Variants in MPHOSPH9 observed in about 807,000 individuals in gnomAD.
MPHOSPH9 encodes the protein M-phase phosphoprotein 9.
A neutral mutation model predicts 145.5 loss-of-function variants in MPHOSPH9; 88 were observed. The observed-to-expected ratio is 0.60, with a 90% CI of 0.51 to 0.72. The LOEUF is 0.72. MPHOSPH9 is among the 30% of genes least tolerant of loss of function. The probability of loss-of-function intolerance (pLI) is 0.00; values close to 1 mark genes in which losing one functional copy is unlikely to be tolerated. For missense variants in MPHOSPH9, 1,238 were observed against 1,386.6 expected (o/e 0.89, Z 1.70); for synonymous variants, 435 against 486.2 (o/e 0.89, Z 1.39).
At chr12:123,197,902 T>C (rs1172294091) in intron 12 of MPHOSPH9, among the ~76,000 whole-genome samples, 1 of 149,778 alleles carries the variant, frequency 6.7e-6, no homozygotes, top group Non-Finnish European at 1.5e-5. Flanking sequence ...GCTAACACGG[T>C]GAAACCCCGT....
rs1555231852 is a variant in MPHOSPH9, at chr12:123,224,110, T to TTTTATATGTATATATATATATATA, written c.259-984_259-983insTATATATATATATATACATATAAA. On this transcript the variant is annotated intron_variant, in intron 3 of 23. Coordinates refer to ENST00000606320, the MANE Select transcript of MPHOSPH9 (RefSeq NM_022782.4). ...TCACCATGTTCGGCTAATTGCTAATTTATATATATATATATACACATTTTT... is the reference window on the plus strand; with the variant it reads ...TCACCATGTTCGGCTAATTGCTAATTTTTATATGTATATATATATATATATATATATATATATATACACATTTTT... 9.1e-5 allele frequency among the ~76,000 whole-genome samples: 11 copies of TTTTATATGTATATATATATATATA among 120,392 alleles called. No individual in the cohort carries two copies. The East Asian group carries it at 1.2e-3, about 13-fold the overall frequency. 79.0% of individuals were successfully genotyped at this position (120,392 alleles called of 152,430 possible).
At chr12:123,172,713 G>T (rs978332134) in intron 16 of MPHOSPH9, among the ~76,000 whole-genome samples, 1 of 152,008 alleles carries the variant, frequency 6.6e-6, no homozygotes, top group Admixed American at 6.6e-5. Context: ...TTACTCAGGG[G>T]CCTCACAAAA....
rs1481406532 is a variant in MPHOSPH9 at position 123,159,547 on chromosome 12, C to T, written c.3450+1234G>A. ...GGATGGGGAAGAGCTTATCTTCATA[C>T]ACGGCAGGTAGGAGTAGAAATTGTC... is the stretch of plus-strand genomic sequence containing the variant. On this transcript the variant is annotated intron_variant, in intron 23 of 23. Transcript: ENST00000606320. The surrounding 1 kb of genome is among the most constrained non-coding windows in gnomAD (Gnocchi z 4.3). 6.6e-6 allele frequency: 1 copy of T among 152,082 alleles called. No individual in the cohort carries two copies. Among genetic ancestry groups the T allele is most frequent in the Admixed American group, 6.5e-5 (1 of 15,268 alleles). The allele number at this position is 152,082 out of a possible 1,614,324, so 9.4% of individuals were successfully genotyped here. A position where few individuals can be genotyped will look rare whatever the true frequency, so the allele number is the denominator to read the frequency against.
rs527536995 is a variant in MPHOSPH9 at position 123,229,739 on chromosome 12, A to G, written c.104+522T>C. Among the ~76,000 whole-genome samples the G allele has an allele frequency of 5.3e-5, 8 of 152,342 alleles. No homozygotes were observed. In the South Asian group the frequency reaches 1.5e-3, roughly 28 times the overall value. On this transcript the variant is annotated intron_variant, in intron 2 of 23. Transcript: ENST00000606320. Reference sequence around the variant, plus strand: ...CAAGTTCTTTTTCAGAATGCTTTCCATGCAAAAGTACATATCTCTGAGAGA... The same window carrying G: ...CAAGTTCTTTTTCAGAATGCTTTCCGTGCAAAAGTACATATCTCTGAGAGA...
At position 123,202,957 on chromosome 12, in the gene MPHOSPH9, C is replaced by G. The variant is rs777781259; in HGVS notation, c.1448G>C (p.Ser483Thr). ...GTCTATGTCAGAGGGACTAGACATACTAGGCTCTAGAACAGAGTCCGGGGA... is the reference window on the plus strand; with the variant it reads ...GTCTATGTCAGAGGGACTAGACATAGTAGGCTCTAGAACAGAGTCCGGGGA... ...SFSPDSVLEP[S>T]MSSPSDIDSF... Residue 483 changes from serine (S) to threonine (T), a missense_variant, in exon 10 of 24, where the codon AGT becomes ACT. Physicochemically the swap from Ser to Thr is moderately conservative, Grantham distance 58 (BLOSUM62 1). Transcript: ENST00000606320. The G allele has an allele frequency of 6.2e-7, 1 of 1,614,096 alleles. No homozygotes were observed. Among genetic ancestry groups the G allele is most frequent in the South Asian group, 1.1e-5 (1 of 91,068 alleles).
upstream of MPHOSPH9, among the ~76,000 whole-genome samples, chr12:123,236,604 AAAG>A (rs1392952860): frequency 2.2e-4 from 34 of 152,202 alleles, no homozygotes; most frequent in East Asian, 5.8e-4. Flanking sequence ...AAAAAAAAAA[AAAG>A]AAGAAGAAAC....
At chr12:123,166,581 A>G in intron 17 of MPHOSPH9, 74 bp downstream of exon 17, 3 of 1,548,780 alleles carry the variant, frequency 1.9e-6, no homozygotes, top group Non-Finnish European at 2.6e-6. Flanking sequence ...GGGCTTCCCA[A>G]ACTTTTAAAA....
chr12:123,190,214 G>A (rs1182517179), intron 13 of MPHOSPH9, among the ~76,000 whole-genome samples: 3 of 150,476 alleles, frequency 2.0e-5, no homozygotes, highest in East Asian at 2.0e-4. Flanking sequence ...GTGCAGTGGC[G>A]CTACCTCAGC....
At chr12:123,237,379 A>G (rs888580222), upstream of MPHOSPH9, among the ~76,000 whole-genome samples, 4 of 152,200 alleles carry the variant, frequency 2.6e-5, no homozygotes, top group Non-Finnish European at 4.4e-5. Flanking sequence ...GCAGTGAGCC[A>G]AGATCACGCC....
At chr12:123,191,894 T>C (rs2045691364) in intron 13 of MPHOSPH9, among the ~76,000 whole-genome samples, 1 of 152,108 alleles carries the variant, frequency 6.6e-6, no homozygotes, top group African/African-American at 2.4e-5. Context: ...TCTTTACTGA[T>C]ATAACAAAGA....
chr12:123,183,547 CAA>C (rs746928699), intron 13 of MPHOSPH9, among the ~76,000 whole-genome samples: 3 of 59,990 alleles, frequency 5.0e-5, no homozygotes, highest in Admixed American at 2.5e-4. Context: ...GACTCTGTCT[CAA>C]AAAAAAAAAA....
At chr12:123,195,548 T>C (rs942993675) in intron 12 of MPHOSPH9, among the ~76,000 whole-genome samples, 17 of 150,974 alleles carry the variant, frequency 1.1e-4, no homozygotes, top group Admixed American at 7.3e-4. Context: ...ATCATGCCAC[T>C]GCACTCCAGC....
intron 16 of MPHOSPH9, among the ~76,000 whole-genome samples, chr12:123,173,408 T>G (rs1266388677): frequency 6.6e-6 from 1 of 152,196 alleles, no homozygotes; most frequent in East Asian, 1.9e-4. Flanking sequence ...TCTCCTGTCT[T>G]CCTTTTACCT....
At chr12:123,201,190 A>G (rs1382009702) in intron 11 of MPHOSPH9, among the ~76,000 whole-genome samples, 1 of 152,042 alleles carries the variant, frequency 6.6e-6, no homozygotes, top group African/African-American at 2.4e-5. Context: ...AAAACTACTT[A>G]CAGTATAAAG....
Position 123,159,021 on chromosome 12 carries a change from T to A in MPHOSPH9, c.3450+1760A>T, listed in dbSNP as rs1222906816. Among the ~76,000 whole-genome samples the A allele has an allele frequency of 1.3e-5, 2 of 151,776 alleles. No homozygotes were observed. The highest frequency in any genetic ancestry group is 2.9e-5 in the Non-Finnish European group (2 of 67,918). On this transcript the variant is annotated intron_variant, in intron 23 of 23. Coordinates refer to ENST00000606320, the MANE Select transcript of MPHOSPH9 (RefSeq NM_022782.4). This position sits in a 1 kb window ranked among gnomAD's most constrained non-coding sequence, Gnocchi z 4.3. ...CAGGAGAATCAGTTGAACCAGGGAG[T>A]TGGAGGCTGCAGTGAGCCGAGATTG... is the stretch of plus-strand genomic sequence containing the variant.
intron 11 of MPHOSPH9, among the ~76,000 whole-genome samples, chr12:123,199,364 T>C (rs1380912469): frequency 6.6e-6 from 1 of 152,208 alleles, no homozygotes; most frequent in Non-Finnish European, 1.5e-5. Flanking sequence ...AAGAATTCAG[T>C]TACCATCTTG....
chr12:123,226,287 CA>C, intron 3 of MPHOSPH9: 2 of 1,075,602 alleles, frequency 1.9e-6, no homozygotes, highest in Non-Finnish European at 2.3e-6. Context: ...TAAATAATTA[CA>C]CTTAGCAGTT....
downstream of MPHOSPH9, chr12:123,153,212 T>C (rs2043807954): frequency 6.6e-6 from 1 of 152,202 alleles, no homozygotes; most frequent in African/African-American, 2.4e-5. Context: ...AAACAACCTA[T>C]ATTTATACCA....
At chr12:123,207,827 TGG>T (rs1322777814) in intron 8 of MPHOSPH9, among the ~76,000 whole-genome samples, 1 of 143,126 alleles carries the variant, frequency 7.0e-6, no homozygotes. Flanking sequence ...CACTCCAGCC[TGG>T]GCAACAGAGC....
Sources: allele counts gnomAD v4.1 joint callset (sites outside exome capture counted in the v4.1 genomes callset), GRCh38; gene constraint gnomAD v4.1.1; non-coding constraint Gnocchi (gnomAD v3.1); transcripts MANE v1.5; gene names NCBI Gene and HGNC (gene_info 2026-07-23, HGNC 2026-07-21).